Variants in CFAP57 observed in about 807,000 individuals in gnomAD.
CFAP57 encodes cilia- and flagella-associated protein 57.
A neutral mutation model predicts 146.8 loss-of-function variants in CFAP57; 116 were observed. The observed-to-expected ratio is 0.79, with a 90% CI of 0.68 to 0.92. CFAP57 has a LOEUF of 0.92. CFAP57 is among the 40% of genes least tolerant of loss of function. The pLI, the probability that CFAP57 is intolerant of heterozygous loss-of-function variation, is 0.00. For missense variants in CFAP57, 1,377 were observed against 1,527.2 expected (o/e 0.90, Z 1.64); for synonymous variants, 518 against 552.8 (o/e 0.94, Z 0.88).
intron 21 of CFAP57, among the ~76,000 whole-genome samples, chr1:43,241,976 G>A (rs1645942438): frequency 6.6e-6 from 1 of 152,112 alleles, no homozygotes; most frequent in Non-Finnish European, 1.5e-5. Flanking sequence ...GAAAGAGACT[G>A]TTTGGTCCCA....
Position 43,247,387 on chromosome 1 carries a change from A to C in CFAP57, c.3538+4028A>C, listed in dbSNP as rs571582278. ...TATCCTTAAGTCCACCAATATCACC[A>C]TACATCCTGTGCAATCAAGAAATTC... On this transcript the variant is annotated intron_variant, in intron 22 of 22. Coordinates refer to ENST00000372492, the MANE Select transcript of CFAP57 (RefSeq NM_001378189.1). Among the ~76,000 whole-genome samples, 217 of 152,308 alleles carry C rather than the reference A, an allele frequency of 1.4e-3. 2 individuals are homozygous for C. Among genetic ancestry groups the C allele is most frequent in the Non-Finnish European group, 3.2e-4 (22 of 68,020 alleles).
chr1:43,209,641 G>A, intron 10 of CFAP57, 102 bp from the exon 11 acceptor site: 1 of 1,200,966 alleles, frequency 8.3e-7, no homozygotes, highest in Non-Finnish European at 1.2e-6. Context: ...TTAAAGACAA[G>A]CCCCTAGGGA....
intron 22 of CFAP57, among the ~76,000 whole-genome samples, chr1:43,249,686 C>G (rs1180814709): frequency 6.7e-6 from 1 of 150,336 alleles, no homozygotes; most frequent in African/African-American, 2.5e-5. Flanking sequence ...CTCAGCCAAT[C>G]CGCCCACCTC....
chr1:43,212,093 CTCAA>C (rs969268453), intron 11 of CFAP57, among the ~76,000 whole-genome samples: 3 of 152,204 alleles, frequency 2.0e-5, no homozygotes, highest in Admixed American at 2.0e-4. Flanking sequence ...CCGTGTATCC[CTCAA>C]TCAGTTTCCC....
chr1:43,223,223 A>G (rs1645118352), intron 16 of CFAP57, among the ~76,000 whole-genome samples: 1 of 152,206 alleles, frequency 6.6e-6, no homozygotes, highest in South Asian at 2.1e-4. Flanking sequence ...TCTCCTTTTC[A>G]CAGGATATTG....
chr1:43,245,855 TCA>T (rs1202916028), intron 22 of CFAP57, among the ~76,000 whole-genome samples: 1 of 152,138 alleles, frequency 6.6e-6, no homozygotes, highest in African/African-American at 2.4e-5. Flanking sequence ...GGATCAAAAA[TCA>T]CAATTACAGG....
At chr1:43,198,257 T>C (rs1643950193) in intron 7 of CFAP57, among the ~76,000 whole-genome samples, 1 of 152,238 alleles carries the variant, frequency 6.6e-6, no homozygotes, top group African/African-American at 2.4e-5. Flanking sequence ...AACAGAGCTA[T>C]GTCTTCAGCA....
intron 4 of CFAP57, 61 bp from the exon 5 acceptor site, chr1:43,185,088 G>A: frequency 6.4e-7 from 1 of 1,570,710 alleles, no homozygotes; most frequent in Non-Finnish European, 8.7e-7. Context: ...CTCCTCCCCA[G>A]CAGAATTCAT....
Position 43,209,966 on chromosome 1 carries a change from G to A in CFAP57, c.1929+50G>A, listed in dbSNP as rs184767321. The A allele has an allele frequency of 2.2e-5, 35 of 1,613,484 alleles. No individual in the cohort carries two copies. In the East Asian group the frequency reaches 2.7e-4, roughly 12 times the overall value. On this transcript the variant is annotated intron_variant, in intron 11 of 22. Transcript: ENST00000372492. ...ACCCAGTCCCACACCTGCCTGCTAC[G>A]TGCCTTGTTCATCCCTTCAACCTCC...
At chr1:43,240,741 A>G (rs1478170906) in intron 21 of CFAP57, among the ~76,000 whole-genome samples, 40 of 152,216 alleles carry the variant, frequency 2.6e-4, no homozygotes, top group Non-Finnish European at 4.4e-5. Flanking sequence ...CTGTACAGGA[A>G]GCATGGCACC....
chr1:43,185,676 T>TACAAAA (rs1643013990), intron 5 of CFAP57, among the ~76,000 whole-genome samples: 2 of 68,584 alleles, frequency 2.9e-5, no homozygotes, highest in African/African-American at 1.8e-4. Context: ...ACCCCATCTC[T>TACAAAA]ACAAAAAAAA....
chr1:43,221,143 C>A (rs1645028812), intron 13 of CFAP57, among the ~76,000 whole-genome samples: 1 of 152,180 alleles, frequency 6.6e-6, no homozygotes, highest in Admixed American at 6.5e-5. Context: ...TTGACAAACC[C>A]ATTTAGTAGC....
At position 43,209,706 on chromosome 1, in the gene CFAP57, C is replaced by T. The variant is rs779178229; in HGVS notation, c.1756-37C>T. 15 of 1,591,898 alleles carry T rather than the reference C, an allele frequency of 9.4e-6. No homozygotes were observed. The East Asian group carries it at 1.3e-4, about 14-fold the overall frequency. On this transcript the variant is annotated intron_variant, in intron 10 of 22. Transcript: ENST00000372492. ...GCACTGGGACGTGGGGGCCACAGCT[C>T]GACCCCTCACACTGAGCAGAGCTGC...
chr1:43,254,002 A>G lies in CFAP57; in HGVS notation c.3564A>G (p.Thr1188=), dbSNP rs912088880. 16 of 1,550,238 alleles carry G rather than the reference A, an allele frequency of 1.0e-5. No homozygotes were observed. In the African/African-American group the frequency reaches 2.2e-4, roughly 21 times the overall value. Residue 1188 remains threonine (T), a synonymous_variant, in exon 23 of 23, where the codon ACA becomes ACG. Transcript: ENST00000372492. ...AACCCAGCAGGGACATGCTCAGCACAGCTCCCACCGCAAGGTTGAATGAGC... is the reference window on the plus strand; with the variant it reads ...AACCCAGCAGGGACATGCTCAGCACGGCTCCCACCGCAAGGTTGAATGAGC... ...ETEPSRDMLS[T]APTARLNEQE... is the part of the protein sequence containing the mutation.
intron 6 of CFAP57, among the ~76,000 whole-genome samples, chr1:43,197,015 C>G (rs1643891709): frequency 6.6e-6 from 1 of 152,106 alleles, no homozygotes; most frequent in Non-Finnish European, 1.5e-5. Flanking sequence ...TCTAAGATAT[C>G]CATTGAAGAA....
Position 43,185,251 on chromosome 1 carries a change from T to G in CFAP57, c.864T>G (p.Ile288Met), listed in dbSNP as rs758334955. 10 of 1,614,112 alleles carry G rather than the reference T, an allele frequency of 6.2e-6. No individual in the cohort carries two copies. The highest frequency in any genetic ancestry group is 3.3e-4 in the Middle Eastern group (2 of 6,084). ...SQMSMPQVFA[I>M]AAYSKGFACS... The stretch of plus-strand genomic sequence containing the variant: ...TGTCCATGCCCCAGGTGTTTGCCAT[T>G]GCAGCCTATTCAAAGGGATTTGCCT... The change falls in exon 5 of 23, where the codon ATT becomes ATG. Residue 288 changes from isoleucine to methionine, a missense_variant. Coordinates refer to ENST00000372492, the MANE Select transcript of CFAP57 (RefSeq NM_001378189.1).
intron 11 of CFAP57, chr1:43,210,881 G>A (rs973985856): frequency 1.3e-5 from 2 of 151,676 alleles, no homozygotes; most frequent in Admixed American, 6.6e-5. Flanking sequence ...TATCTTGCAC[G>A]CGAAATGGTT....
At chr1:43,187,953 G>A (rs553053735) in intron 6 of CFAP57, among the ~76,000 whole-genome samples, 140 of 152,134 alleles carry the variant, frequency 9.2e-4, no homozygotes, top group Admixed American at 1.4e-3. Context: ...ACAGGTGCAC[G>A]CCACCACACC....
At position 43,198,689 on chromosome 1, in the gene CFAP57, A is replaced by C. The variant is rs768197546; in HGVS notation, c.1428+43A>C. ...GAAGACAAAAGTCCAGTTTCTTAGA[A>C]AGCCACGGCTGAAATATCAGGAACT... is the stretch of plus-strand genomic sequence containing the variant. On this transcript the variant is annotated intron_variant, in intron 8 of 22. Coordinates refer to ENST00000372492, the MANE Select transcript of CFAP57 (RefSeq NM_001378189.1). 5 of 1,606,528 alleles carry C rather than the reference A, an allele frequency of 3.1e-6. No individual in the cohort carries two copies. The South Asian group carries it at 4.4e-5, about 14-fold the overall frequency.
Sources: allele counts gnomAD v4.1 joint callset (sites outside exome capture counted in the v4.1 genomes callset), GRCh38; gene constraint gnomAD v4.1.1; transcripts MANE v1.5; gene names NCBI Gene and HGNC (gene_info 2026-07-23, HGNC 2026-07-21).